The following MYLK variants were observed in gnomAD, a reference collection of about 807,000 sequenced individuals.
MYLK encodes myosin light chain kinase, smooth muscle.
A neutral mutation model predicts 203.4 loss-of-function variants in MYLK; 106 were observed. That is an observed-to-expected ratio of 0.52 (90% CI 0.45 to 0.61). MYLK has a LOEUF of 0.61. Among genes scored for constraint, MYLK ranks in the 20% least tolerant of loss-of-function variants. The pLI is 0.00. For synonymous variants in MYLK, 867 were observed against 959.5 expected (o/e 0.90, Z 1.78); for missense variants, 2,072 against 2,442.3 (o/e 0.85, Z 3.20).
intron 3 of MYLK, among the ~76,000 whole-genome samples, chr3:123,810,270 C>T (rs933449259): frequency 6.6e-5 from 10 of 152,166 alleles, no homozygotes; most frequent in African/African-American, 2.2e-4. Flanking sequence ...CCGTGTTTCC[C>T]GTGGTTCCCA....
chr3:123,729,929 G>GAAA (rs2062418879), intron 11 of MYLK, among the ~76,000 whole-genome samples: 1 of 151,080 alleles, frequency 6.6e-6, no homozygotes. Context: ...TGGCTATAAT[G>GAAA]AAAAAATAGA....
intron 2 of MYLK, among the ~76,000 whole-genome samples, chr3:123,870,942 C>A (rs557173675): frequency 3.3e-5 from 5 of 152,210 alleles, no homozygotes; most frequent in Non-Finnish European, 5.9e-5. Context: ...TCCCTTTCCT[C>A]TCCTTTCTAC....
rs774660961 is a variant in MYLK, at chr3:123,657,112, T to G, written c.4288+14A>C. On this transcript the variant is annotated intron_variant, in intron 24 of 33. Coordinates refer to ENST00000360304, the MANE Select transcript of MYLK (RefSeq NM_053025.4). ...CATTTGTTTCAAGCCACTGATGAAG[T>G]GATGGCAGCCTACCTTCAGGTTTCT... The G allele has an allele frequency of 1.2e-6, 2 of 1,614,054 alleles. No individual in the cohort carries two copies. Among genetic ancestry groups the G allele is most frequent in the African/African-American group, 2.7e-5 (2 of 74,906 alleles).
chr3:123,778,562 C>T (rs1238339454), intron 4 of MYLK, among the ~76,000 whole-genome samples: 2 of 151,726 alleles, frequency 1.3e-5, no homozygotes, highest in African/African-American at 2.4e-5. Flanking sequence ...GCAATATGCT[C>T]GAGCAGCCCA....
chr3:123,707,374 G>A (rs1011188584), intron 16 of MYLK, among the ~76,000 whole-genome samples: 3 of 152,210 alleles, frequency 2.0e-5, no homozygotes, highest in Non-Finnish European at 2.9e-5. Context: ...GATGATAAAT[G>A]TTTCAAGCTG....
At chr3:123,645,201 C>A (rs564546639) in intron 27 of MYLK, among the ~76,000 whole-genome samples, 3 of 152,280 alleles carry the variant, frequency 2.0e-5, no homozygotes, top group Admixed American at 2.0e-4. Flanking sequence ...GGTGTCGTAT[C>A]TACATTTATG....
intron 2 of MYLK, among the ~76,000 whole-genome samples, chr3:123,868,721 A>G (rs1013186531): frequency 5.3e-5 from 8 of 152,226 alleles, no homozygotes; most frequent in African/African-American, 1.9e-4. Flanking sequence ...AACAAGAACA[A>G]TATCATAAGA....
chr3:123,808,013 G>C (rs1207847431), intron 3 of MYLK, among the ~76,000 whole-genome samples: 1 of 152,206 alleles, frequency 6.6e-6, no homozygotes, highest in Non-Finnish European at 1.5e-5. Context: ...AGAAACAATG[G>C]CTTAGTGCTT....
intron 20 of MYLK, among the ~76,000 whole-genome samples, chr3:123,679,350 A>T (rs1373005811): frequency 1.3e-5 from 2 of 150,442 alleles, no homozygotes; most frequent in African/African-American, 4.9e-5. Flanking sequence ...TTCACTTCCC[A>T]TCTCTGGGCA....
At chr3:123,709,365 T>A in intron 14 of MYLK, 1 of 285,226 alleles carries the variant, frequency 3.5e-6, no homozygotes, top group Non-Finnish European at 6.8e-6. Context: ...ATGGTCTCGA[T>A]CTCCTGACCT....
At chr3:123,659,476 G>A (rs2108289497) in intron 23 of MYLK, among the ~76,000 whole-genome samples, 1 of 152,202 alleles carries the variant, frequency 6.6e-6, no homozygotes, top group South Asian at 2.1e-4. Context: ...TTGGGGCGAG[G>A]GACTTTAATT....
intron 4 of MYLK, among the ~76,000 whole-genome samples, chr3:123,782,721 C>T (rs1455440314): frequency 2.6e-5 from 4 of 152,068 alleles, no homozygotes; most frequent in South Asian, 2.1e-4. Context: ...GGCAGACAGT[C>T]GAGATAATTG....
At chr3:123,664,579 G>A (rs921182841) in intron 22 of MYLK, among the ~76,000 whole-genome samples, 9 of 152,182 alleles carry the variant, frequency 5.9e-5, no homozygotes, top group African/African-American at 1.7e-4. Context: ...GATGATAGGA[G>A]AACACATCTC....
intron 24 of MYLK, among the ~76,000 whole-genome samples, chr3:123,653,810 C>A (rs2059296227): frequency 6.6e-6 from 1 of 152,196 alleles, no homozygotes; most frequent in Non-Finnish European, 1.5e-5. Flanking sequence ...CCTCTTTACA[C>A]CATAGCACAG....
At position 123,709,849 on chromosome 3, in the gene MYLK, G is replaced by A. The variant is rs1269444079; in HGVS notation, c.1849C>T (p.Pro617Ser). ...RKSEYLLPVA[P>S]SKPTAPIFLQ... ...AAGATGGGTGCAGTGGGCTTGCTGG[G>A]AGCCACAGGCAGAAGGTACTCACTC... Residue 617 changes from proline (P) to serine (S), a missense_variant, in exon 14 of 34, where the codon CCC becomes TCC. Physicochemically the swap from Pro to Ser is moderately conservative, Grantham distance 74 (BLOSUM62 -1). Around this residue, in one of 3 missense-constraint regions of MYLK, gnomAD observed 865 missense variants for 1,016.0 expected, o/e 0.85. Transcript: ENST00000360304. The A allele has an allele frequency of 1.2e-6, 2 of 1,614,078 alleles. No individual in the cohort carries two copies. The highest frequency in any genetic ancestry group is 1.3e-5 in the African/African-American group (1 of 74,918).
chr3:123,697,409 A>G (rs1301168287), intron 18 of MYLK, among the ~76,000 whole-genome samples: 2 of 152,242 alleles, frequency 1.3e-5, no homozygotes, highest in East Asian at 1.9e-4. Context: ...CAGTGTTTCA[A>G]CCTTTGGACA....
At chr3:123,739,919 A>G (rs1304216729) in intron 6 of MYLK, 34 bp downstream of exon 6, 3 of 1,612,740 alleles carry the variant, frequency 1.9e-6, no homozygotes, top group Non-Finnish European at 2.5e-6. Flanking sequence ...AAAGCAATCC[A>G]ACCCTTACTC....
chr3:123,789,891 C>T (rs1198331771), intron 4 of MYLK, among the ~76,000 whole-genome samples: 1 of 152,146 alleles, frequency 6.6e-6, no homozygotes, highest in African/African-American at 2.4e-5. Context: ...AATAAGGAAC[C>T]CCCATCCCTG....
intron 3 of MYLK, among the ~76,000 whole-genome samples, chr3:123,797,359 T>C (rs2065024123): frequency 6.6e-6 from 1 of 152,162 alleles, no homozygotes; most frequent in South Asian, 2.1e-4. Context: ...ATTTACTAAA[T>C]ATCTACCATG....
Sources: allele counts gnomAD v4.1 joint callset (sites outside exome capture counted in the v4.1 genomes callset), GRCh38; gene constraint gnomAD v4.1.1; regional missense constraint gnomAD v4.1.1; transcripts MANE v1.5; gene names NCBI Gene and HGNC (gene_info 2026-07-23, HGNC 2026-07-21).